The following PPM1G variants were observed in gnomAD, a reference collection of about 807,000 sequenced individuals.
PPM1G encodes protein phosphatase, Mg2+/Mn2+ dependent 1G.
PPM1G carries 12 observed loss-of-function variants against 59.4 expected under a neutral mutation model. That is an observed-to-expected ratio of 0.20 (90% CI 0.13 to 0.33). The LOEUF (loss-of-function observed/expected upper bound fraction) is 0.33. Ranked by LOEUF, PPM1G falls within the 10% of genes least tolerant of loss-of-function variation. The pLI, the probability that PPM1G is intolerant of heterozygous loss-of-function variation, is 1.00. For missense variants in PPM1G, 392 were observed against 681.3 expected (o/e 0.58, Z 4.73); for synonymous variants, 245 against 251.9 (o/e 0.97, Z 0.26).
intron 1 of PPM1G, among the ~76,000 whole-genome samples, chr2:27,399,236 A>C (rs552655018): frequency 2.0e-5 from 3 of 152,360 alleles, no homozygotes; most frequent in African/African-American, 4.8e-5. Context: ...CAAATCATAT[A>C]TCTAACAAAC....
intron 1 of PPM1G, chr2:27,393,431 G>A (rs924847161): frequency 1.4e-5 from 14 of 1,023,532 alleles, no homozygotes; most frequent in Non-Finnish European, 1.9e-5. Context: ...GAGCTGCGGC[G>A]GGGGCCTTGG....
chr2:27,401,507 G>A (rs2148426898), intron 1 of PPM1G, among the ~76,000 whole-genome samples: 1 of 152,302 alleles, frequency 6.6e-6, no homozygotes, highest in Non-Finnish European at 1.5e-5. Flanking sequence ...TGATTGTGGT[G>A]ACAGTTGTAC....
At chr2:27,408,156 T>C (rs137872352) in intron 1 of PPM1G, among the ~76,000 whole-genome samples, 60 of 152,258 alleles carry the variant, frequency 3.9e-4, no homozygotes, top group African/African-American at 1.4e-3. Context: ...GTTATGAATA[T>C]AAAATTTGAA....
chr2:27,389,639 A>G (rs1683849715), intron 1 of PPM1G, among the ~76,000 whole-genome samples: 1 of 152,166 alleles, frequency 6.6e-6, no homozygotes, highest in African/African-American at 2.4e-5. Flanking sequence ...TTTATGCCTG[A>G]ATCAGAACTA....
intron 1 of PPM1G, among the ~76,000 whole-genome samples, chr2:27,393,614 C>T (rs1251186271): frequency 6.6e-6 from 1 of 152,152 alleles, no homozygotes; most frequent in Non-Finnish European, 1.5e-5. Context: ...GAGAAAGAGT[C>T]TCACTCTGTC....
intron 2 of PPM1G, 85 bp from the exon 3 acceptor site, chr2:27,386,364 G>T: frequency 1.0e-6 from 1 of 981,766 alleles, no homozygotes; most frequent in Non-Finnish European, 1.6e-6. Context: ...ATACTGGAGT[G>T]AACCCCAAGG....
At chr2:27,386,396 G>C in intron 2 of PPM1G, 117 bp from the exon 3 acceptor site, 1 of 732,090 alleles carries the variant, frequency 1.4e-6, no homozygotes, top group South Asian at 1.6e-5. Flanking sequence ...AAATATCTTA[G>C]CACCCCTGAA....
At position 27,393,000 on chromosome 2, in the gene PPM1G, A is replaced by C. The variant is rs903290135; in HGVS notation, c.121-5842T>G. 2.6e-6 allele frequency: 4 copies of C among 1,522,018 alleles called. No homozygotes were observed. The African/African-American group carries it at 5.5e-5, about 21-fold the overall frequency. The allele number at this position is 1,522,018 out of a possible 1,614,324, so 94.3% of individuals were successfully genotyped here. A position where few individuals can be genotyped will look rare whatever the true frequency, so the allele number is the denominator to read the frequency against. On this transcript the variant is annotated intron_variant, in intron 1 of 9. Coordinates refer to ENST00000344034, the MANE Select transcript of PPM1G (RefSeq NM_177983.3). ...GTTTGTGCAGTTCCAGTAGTGACTG[A>C]TTCACATTTTTTTCCAAATGTAATG...
At chr2:27,390,982 TAC>T (rs934392026) in intron 1 of PPM1G, among the ~76,000 whole-genome samples, 4 of 152,262 alleles carry the variant, frequency 2.6e-5, no homozygotes, top group Admixed American at 2.6e-4. Context: ...GCCCTCCAGC[TAC>T]ATTCATGTTG....
intron 1 of PPM1G, among the ~76,000 whole-genome samples, chr2:27,395,705 A>G (rs1684035985): frequency 6.6e-6 from 1 of 151,788 alleles, no homozygotes; most frequent in African/African-American, 2.4e-5. Context: ...ATTAGCCACA[A>G]GTGGTGGTGC....
At chr2:27,393,102 G>A (rs1422756507) in intron 1 of PPM1G, 1 of 1,282,532 alleles carries the variant, frequency 7.8e-7, no homozygotes, top group Non-Finnish European at 1.1e-6. Context: ...CGCACAGTCT[G>A]GTTTCTTGAT....
chr2:27,387,619 G>T (rs1420730063), intron 1 of PPM1G, among the ~76,000 whole-genome samples: 1 of 151,800 alleles, frequency 6.6e-6, no homozygotes. Flanking sequence ...TCCTGCCTCC[G>T]CCTGCTGAAT....
chr2:27,390,986 T>C (rs533813304), intron 1 of PPM1G, among the ~76,000 whole-genome samples: 12 of 152,358 alleles, frequency 7.9e-5, no homozygotes, highest in African/African-American at 2.9e-4. Flanking sequence ...TCCAGCTACA[T>C]TCATGTTGTT....
intron 1 of PPM1G, among the ~76,000 whole-genome samples, chr2:27,401,831 AAAGAAAAAAAG>A (rs911577942): frequency 1.3e-5 from 2 of 152,110 alleles, no homozygotes; most frequent in African/African-American, 2.4e-5. Context: ...TGTCTCGAAA[AAAGAAAAAAAG>A]AAGAAAAAAA....
rs991086641 is a variant in PPM1G at position 27,382,393 on chromosome 2, C to T, written c.1331+83G>A. On this transcript the variant is annotated intron_variant, in intron 8 of 9. Transcript: ENST00000344034. This position sits in a 1 kb window ranked among gnomAD's most constrained non-coding sequence, Gnocchi z 4.2. ...ACCAAGAGGCCTAGGTCTGCCTAGG[C>T]TCTAATCCTAGAGGTGCCCTGAGTC... 20 of 1,592,740 alleles carry T rather than the reference C, an allele frequency of 1.3e-5. No homozygotes were observed. Among genetic ancestry groups the T allele is most frequent in the Non-Finnish European group, 1.6e-5 (19 of 1,168,910 alleles).
intron 1 of PPM1G, among the ~76,000 whole-genome samples, chr2:27,391,736 CTT>C (rs1399370496): frequency 1.6e-4 from 22 of 140,702 alleles, no homozygotes; most frequent in Non-Finnish European, 1.9e-4. Context: ...TTTTTTCTTT[CTT>C]TTTTTTTTTT....
rs186852877 is a variant in PPM1G, at chr2:27,401,317, C to T, written c.120+7986G>A. On this transcript the variant is annotated intron_variant, in intron 1 of 9. Transcript: ENST00000344034. ...AGCTTTAAAGTCAATTTCAAAAATACACATGCTTAGTAAAAGCATCCAGAT... is the reference window on the plus strand; with the variant it reads ...AGCTTTAAAGTCAATTTCAAAAATATACATGCTTAGTAAAAGCATCCAGAT... 1.4e-3 allele frequency among the ~76,000 whole-genome samples: 219 copies of T among 152,266 alleles called. 1 individual carries two copies. Among genetic ancestry groups the T allele is most frequent in the East Asian group, 1.2e-3 (6 of 5,186 alleles).
At chr2:27,399,252 T>C (rs1434930575) in intron 1 of PPM1G, among the ~76,000 whole-genome samples, 1 of 152,098 alleles carries the variant, frequency 6.6e-6, no homozygotes, top group Non-Finnish European at 1.5e-5. Context: ...CAAACTTGTA[T>C]CCAAAACACA....
At chr2:27,392,855 C>T in intron 1 of PPM1G, 2 of 1,473,460 alleles carry the variant, frequency 1.4e-6, no homozygotes, top group Non-Finnish European at 1.9e-6. Flanking sequence ...GATTCGGGCG[C>T]TCCCATCTCG....
Sources: gnomAD v4.1 joint callset for allele counts (sites outside exome capture counted in the v4.1 genomes callset) on GRCh38, gnomAD v4.1.1 for gene constraint, Gnocchi (gnomAD v3.1) non-coding constraint, MANE v1.5 for transcripts, NCBI Gene and HGNC (gene_info 2026-07-23, HGNC 2026-07-21) for gene names.